Variants in UTP11 observed in about 807,000 individuals in gnomAD.
UTP11 encodes the protein probable U3 small nucleolar RNA-associated protein 11.
In UTP11, 29 loss-of-function variants were observed where a neutral mutation model predicts 39.0. That is an observed-to-expected ratio of 0.74 (90% confidence interval 0.55 to 1.01). The LOEUF is 1.01. Ranked by LOEUF, UTP11 falls within the 50% of genes least tolerant of loss-of-function variation. UTP11 has a pLI of 0.00. For missense variants in UTP11, 281 were observed against 306.0 expected (o/e 0.92, Z 0.61); for synonymous variants, 111 against 105.0 (o/e 1.06, Z -0.35).
chr1:38,023,817 G>T lies in UTP11; in HGVS notation c.*189G>T. Reference sequence around the variant, plus strand: ...TCCCTTCTGTAATTGTTTTTGGATTGTGAAATTAGTCTTATTTTTATATAC... The same window carrying T: ...TCCCTTCTGTAATTGTTTTTGGATTTTGAAATTAGTCTTATTTTTATATAC... On this transcript the variant is annotated 3_prime_UTR_variant, in exon 8 of 8. Coordinates refer to ENST00000373014, the MANE Select transcript of UTP11 (RefSeq NM_016037.4). 1 of 447,938 alleles carries T rather than the reference G, an allele frequency of 2.2e-6. No homozygotes were observed. The highest frequency in any genetic ancestry group is 5.6e-5 in the South Asian group (1 of 17,962). 27.7% of individuals were successfully genotyped at this position (447,938 alleles called of 1,614,324 possible).
At position 38,016,432 on chromosome 1, in the gene UTP11, C is replaced by G. The variant is rs1035449084; in HGVS notation, c.125+12C>G. 1 of 1,613,992 alleles carries G rather than the reference C, an allele frequency of 6.2e-7. No individual in the cohort carries two copies. The highest frequency in any genetic ancestry group is 1.3e-5 in the African/African-American group (1 of 75,066). ...AAACTTCGTGCAGAGTGAGTTCAGT[C>G]TTTCTGGTAGAGGCGCTGCCAAGAA... On this transcript the variant is annotated intron_variant, in intron 2 of 7. Coordinates refer to ENST00000373014, the MANE Select transcript of UTP11 (RefSeq NM_016037.4).
Position 38,016,341 on chromosome 1 carries a change from C to A in UTP11, c.64-18C>A. 6.2e-7 allele frequency: 1 copy of A among 1,613,974 alleles called. No homozygotes were observed. The highest frequency in any genetic ancestry group is 8.5e-7 in the Non-Finnish European group (1 of 1,179,866). On this transcript the variant is annotated intron_variant, in intron 1 of 7. Transcript: ENST00000373014. Reference sequence around the variant, plus strand: ...GCGGAGGAAACTAAGCACTGTTGTTCTTTCTTTTGTCTTCTAGCCTGGCTT... The same window carrying A: ...GCGGAGGAAACTAAGCACTGTTGTTATTTCTTTTGTCTTCTAGCCTGGCTT...
At chr1:38,017,577 CT>C in intron 2 of UTP11, 90 bp from the exon 3 acceptor site, 1 of 993,068 alleles carries the variant, frequency 1.0e-6, no homozygotes, top group East Asian at 2.8e-5. Flanking sequence ...CTTTTAGATG[CT>C]TGTAAAGTTT....
intron 2 of UTP11, chr1:38,016,757 T>G: frequency 3.6e-6 from 1 of 279,878 alleles, no homozygotes; most frequent in South Asian, 4.0e-5. Flanking sequence ...CAGGATATAA[T>G]CTGAAATTCC....
chr1:38,013,539 T>A (rs560999649), intron 1 of UTP11, among the ~76,000 whole-genome samples: 1 of 152,286 alleles, frequency 6.6e-6, no homozygotes, highest in East Asian at 1.9e-4. Context: ...AATCAGTTGA[T>A]ACACTGTCAG....
chr1:38,018,403 C>T (rs1402852277), intron 3 of UTP11, 61 bp from the exon 4 acceptor site: 28 of 1,325,276 alleles, frequency 2.1e-5, no homozygotes, highest in Middle Eastern at 2.0e-4. Flanking sequence ...GTGCACTGTG[C>T]CAACAACTTA....
chr1:38,017,969 T>C lies in UTP11; in HGVS notation c.228+199T>C, dbSNP rs1296413955. ...TTACCTTTGAATCTGGGTTGTCTTA[T>C]ACCTGGAGCTGTTCTAGGACAGATG... On this transcript the variant is annotated intron_variant, in intron 3 of 7. Transcript: ENST00000373014. 2.0e-5 allele frequency among the ~76,000 whole-genome samples: 3 copies of C among 152,202 alleles called. No homozygotes were observed. In the South Asian group the frequency reaches 6.2e-4, roughly 32 times the overall value.
intron 1 of UTP11, among the ~76,000 whole-genome samples, chr1:38,016,125 G>A (rs1236126643): frequency 6.6e-6 from 1 of 152,216 alleles, no homozygotes; most frequent in African/African-American, 2.4e-5. Context: ...GTCCTTAATA[G>A]GCCAAGAAAC....
In UTP11 at chr1:38,017,682, A is replaced by G; in HGVS notation, c.140A>G (p.Lys47Arg). ...CTGTCTTTTAGTGACTACCGTAAAA[A>G]ACAAGAATACCTCAAAGCTCTTCGG... is the stretch of plus-strand genomic sequence containing the variant. ...YKLRADDYRKKQEYLKALRKK... is the reference protein window; with the variant it reads ...YKLRADDYRKRQEYLKALRKK... The change falls in exon 3 of 8, where the codon AAA (lysine) becomes AGA (arginine). Residue 47 changes from lysine to arginine, a missense_variant. Transcript: ENST00000373014. 6.2e-7 allele frequency: 1 copy of G among 1,600,306 alleles called. No homozygotes were observed. Among genetic ancestry groups the G allele is most frequent in the Non-Finnish European group, 8.5e-7 (1 of 1,174,588 alleles).
In UTP11 at chr1:38,012,789, A is replaced by G. The variant is rs201554692; in HGVS notation, c.-14A>G. The G allele has an allele frequency of 4.3e-6, 7 of 1,614,176 alleles. No individual in the cohort carries two copies. The South Asian group carries it at 6.6e-5, about 15-fold the overall frequency. On this transcript the variant is annotated 5_prime_UTR_variant, in exon 1 of 8. Coordinates refer to ENST00000373014, the MANE Select transcript of UTP11 (RefSeq NM_016037.4). ...CCGGCGTTCTCCACTGATCTTTTCC[A>G]AGGCTGTACAGACATGGCGGCGGCT...
At chr1:38,020,105 G>A (rs1646728112) in intron 6 of UTP11, among the ~76,000 whole-genome samples, 1 of 151,746 alleles carries the variant, frequency 6.6e-6, no homozygotes, top group Non-Finnish European at 1.5e-5. Context: ...AGGTCTTTCT[G>A]TGTTTTTATT....
chr1:38,022,698 G>A lies in UTP11; in HGVS notation c.568-1G>A, dbSNP rs1646744950. The A allele has an allele frequency of 6.2e-7, 1 of 1,608,512 alleles. No individual in the cohort carries two copies. The highest frequency in any genetic ancestry group is 1.7e-5 in the Admixed American group (1 of 59,892). Reference sequence around the variant, plus strand: ...TGAGAATGTGTGTGTTTCTTCTCCAGCGAATAGCTAAAGAAAGGCAAAAGC... The same window carrying A: ...TGAGAATGTGTGTGTTTCTTCTCCAACGAATAGCTAAAGAAAGGCAAAAGC... On this transcript the variant is annotated splice_acceptor_variant, in intron 6 of 7. Coordinates refer to ENST00000373014, the MANE Select transcript of UTP11 (RefSeq NM_016037.4). LOFTEE classifies it high-confidence loss of function.
At chr1:38,016,562 A>AT (rs1391444161) in intron 2 of UTP11, 142 bp downstream of exon 2, 16 of 793,040 alleles carry the variant, frequency 2.0e-5, no homozygotes, top group Non-Finnish European at 3.1e-5. Context: ...CTGTCAGATA[A>AT]TTTTTTCTGT....
rs556936277 is a variant in UTP11, at chr1:38,023,883, G to T, written c.*255G>T. The T allele has an allele frequency of 1.5e-4, 40 of 273,958 alleles. No homozygotes were observed. The highest frequency in any genetic ancestry group is 8.7e-4 in the African/African-American group (39 of 44,948). 17.0% of individuals were successfully genotyped at this position (273,958 alleles called of 1,614,324 possible). On this transcript the variant is annotated 3_prime_UTR_variant, in exon 8 of 8. Coordinates refer to ENST00000373014, the MANE Select transcript of UTP11 (RefSeq NM_016037.4). ...TTTGAGATAGGGTCTTTGTTGCCAG[G>T]CTGGAAGTGCAGTGTGTGATTATGG...
At chr1:38,021,017 G>A (rs976316178) in intron 6 of UTP11, among the ~76,000 whole-genome samples, 1 of 152,042 alleles carries the variant, frequency 6.6e-6, no homozygotes, top group African/African-American at 2.4e-5. Flanking sequence ...TGCCTCCTGG[G>A]TTCAAGCAAT....
chr1:38,020,696 A>G (rs1646731227), intron 6 of UTP11, among the ~76,000 whole-genome samples: 1 of 152,236 alleles, frequency 6.6e-6, no homozygotes, highest in African/African-American at 2.4e-5. Flanking sequence ...AGTAATATAA[A>G]TACCCCTAAT....
In UTP11 at chr1:38,022,834, C is replaced by CTT. The variant is rs34251728; in HGVS notation, c.678+37_678+38dup. On this transcript the variant is annotated intron_variant, in intron 7 of 7. Coordinates refer to ENST00000373014, the MANE Select transcript of UTP11 (RefSeq NM_016037.4). ...GGTGAGGAGAGAGAGCCTTAGGCCTCTTTTTTTTTTTTTCCCCCTTTTCTT... is the reference window on the plus strand; with the variant it reads ...GGTGAGGAGAGAGAGCCTTAGGCCTCTTTTTTTTTTTTTTTCCCCCTTTTCTT... 9,421 of 1,200,982 alleles carry CTT rather than the reference C, an allele frequency of 7.8e-3. 1 individual carries two copies. Among genetic ancestry groups the CTT allele is most frequent in the South Asian group, 8.6e-3 (589 of 68,148 alleles). 74.4% of individuals were successfully genotyped at this position (1,200,982 alleles called of 1,614,324 possible). A position where few individuals can be genotyped will look rare whatever the true frequency, so the allele number is the denominator to read the frequency against.
Position 38,020,300 on chromosome 1 carries a change from G to A in UTP11, c.567+917G>A, listed in dbSNP as rs143361123. ...ATTTTTTTTGTAGAAACGGGGTCTC[G>A]CTAAGTTGCCCAGGCTGGTCTTAAA... On this transcript the variant is annotated intron_variant, in intron 6 of 7. Coordinates refer to ENST00000373014, the MANE Select transcript of UTP11 (RefSeq NM_016037.4). Among the ~76,000 whole-genome samples, 14 of 151,992 alleles carry A rather than the reference G, an allele frequency of 9.2e-5. No homozygotes were observed. In the East Asian group the frequency reaches 2.3e-3, roughly 25 times the overall value.
At chr1:38,018,407 C>A in intron 3 of UTP11, 57 bp from the exon 4 acceptor site, 1 of 1,367,988 alleles carries the variant, frequency 7.3e-7, no homozygotes, top group Non-Finnish European at 1.0e-6. Context: ...ACTGTGCCAA[C>A]AACTTATTAA....
Sources: gnomAD v4.1 joint callset for allele counts (sites outside exome capture counted in the v4.1 genomes callset) on GRCh38, gnomAD v4.1.1 for gene constraint, MANE v1.5 for transcripts, NCBI Gene and HGNC (gene_info 2026-07-23, HGNC 2026-07-21) for gene names.